SNX14: variants seen among roughly 807,000 people sequenced by gnomAD.
SNX14 encodes the protein sorting nexin 14, also known as sorting nexin-14.
SNX14 carries 93 observed loss-of-function variants against 133.8 expected under a neutral mutation model. The ratio of observed to expected loss-of-function variants is 0.70; its 90% confidence interval spans 0.59 to 0.83. SNX14 has a LOEUF of 0.83. SNX14 is among the 40% of genes least tolerant of loss of function. The pLI, the probability that SNX14 is intolerant of heterozygous loss-of-function variation, is 0.00. For synonymous variants in SNX14, 368 were observed against 365.6 expected, an observed-to-expected ratio of 1.01 and a Z score of -0.07; for missense variants, 945 against 1,094.9, an observed-to-expected ratio of 0.86 and a Z score of 1.93.
chr6:85,534,559 T>A (rs1365142189), intron 17 of SNX14, among the ~76,000 whole-genome samples: 1 of 152,206 alleles, frequency 6.6e-6, no homozygotes, highest in African/African-American at 2.4e-5. Flanking sequence ...CTATCTTTAA[T>A]CCCAATCAAG....
intron 13 of SNX14, 44 bp downstream of exon 13, chr6:85,543,561 C>T (rs1177725179): frequency 1.4e-6 from 2 of 1,475,556 alleles, no homozygotes; most frequent in East Asian, 2.5e-5. Flanking sequence ...AATGGAAAAA[C>T]TGTAAGAGTG....
At chr6:85,514,888 A>AG (rs1348364774) in intron 23 of SNX14, among the ~76,000 whole-genome samples, 1 of 152,218 alleles carries the variant, frequency 6.6e-6, no homozygotes, top group East Asian at 1.9e-4. Context: ...TATCCATTAA[A>AG]GACCCCTTTG....
intron 18 of SNX14, among the ~76,000 whole-genome samples, chr6:85,531,889 G>A (rs770683619): frequency 2.1e-4 from 32 of 152,032 alleles, no homozygotes; most frequent in Admixed American, 2.0e-4. Flanking sequence ...TTAGCTGGGC[G>A]TGGTGACATG....
chr6:85,521,346 C>T (rs983601212), intron 21 of SNX14, among the ~76,000 whole-genome samples: 1 of 152,042 alleles, frequency 6.6e-6, no homozygotes, highest in Admixed American at 6.6e-5. Context: ...GTGATCCTCC[C>T]GCCTCAGCTT....
At chr6:85,587,832 A>C (rs1031044060) in intron 1 of SNX14, among the ~76,000 whole-genome samples, 1 of 152,254 alleles carries the variant, frequency 6.6e-6, no homozygotes, top group Non-Finnish European at 1.5e-5. Flanking sequence ...TGAATAGAGC[A>C]ATTATCATTA....
chr6:85,564,956 T>C (rs2128165494), intron 6 of SNX14, among the ~76,000 whole-genome samples: 1 of 150,652 alleles, frequency 6.6e-6, no homozygotes, highest in African/African-American at 2.5e-5. Context: ...GCCACTGTAC[T>C]CCAGCCTGGG....
At chr6:85,544,003 TA>T (rs1562284717) in intron 12 of SNX14, among the ~76,000 whole-genome samples, 1 of 152,112 alleles carries the variant, frequency 6.6e-6, no homozygotes, top group Non-Finnish European at 1.5e-5. Context: ...CAAATTTTGC[TA>T]AAATTCAAAA....
chr6:85,583,340 A>G (rs897430540), intron 1 of SNX14, among the ~76,000 whole-genome samples: 1 of 152,220 alleles, frequency 6.6e-6, no homozygotes, highest in Non-Finnish European at 1.5e-5. Flanking sequence ...GAAAACTGAC[A>G]CAACACAAGG....
At chr6:85,528,140 T>G in intron 20 of SNX14, 122 bp downstream of exon 20, 1 of 571,212 alleles carries the variant, frequency 1.8e-6, no homozygotes. Flanking sequence ...AAATATTTTC[T>G]AAATTAAAAT....
chr6:85,573,060 G>A (rs182980322), intron 2 of SNX14, among the ~76,000 whole-genome samples: 58 of 152,302 alleles, frequency 3.8e-4, no homozygotes, highest in Non-Finnish European at 7.5e-4. Flanking sequence ...ACAAAGGTAC[G>A]AGGTAACTAT....
At chr6:85,577,722 CAAGT>C (rs1360914417) in intron 1 of SNX14, among the ~76,000 whole-genome samples, 1 of 151,556 alleles carries the variant, frequency 6.6e-6, no homozygotes, top group Non-Finnish European at 1.5e-5. Context: ...ATAAAGGAAT[CAAGT>C]AATTAGAAGA....
At chr6:85,579,838 C>T (rs1218256714) in intron 1 of SNX14, among the ~76,000 whole-genome samples, 1 of 152,222 alleles carries the variant, frequency 6.6e-6, no homozygotes, top group Non-Finnish European at 1.5e-5. Context: ...GTCTAGGCCA[C>T]AAGGACTGTA....
intron 2 of SNX14, among the ~76,000 whole-genome samples, chr6:85,572,908 G>A (rs191587634): frequency 1.6e-4 from 25 of 152,266 alleles, no homozygotes; most frequent in African/African-American, 4.6e-4. Context: ...GCAGTAAGCC[G>A]TGATCCTGCC....
At chr6:85,528,458 A>T in intron 19 of SNX14, 96 bp from the exon 20 acceptor site, 1 of 855,932 alleles carries the variant, frequency 1.2e-6, no homozygotes, top group Non-Finnish European at 1.8e-6. Flanking sequence ...CATTCAGATT[A>T]GCAATACTGC....
chr6:85,518,969 T>C (rs1775944012), intron 21 of SNX14, among the ~76,000 whole-genome samples: 1 of 152,238 alleles, frequency 6.6e-6, no homozygotes, highest in African/African-American at 2.4e-5. Flanking sequence ...TCCTGCTTTA[T>C]AAAACTTCAA....
At chr6:85,574,126 A>AG in intron 2 of SNX14, 132 bp downstream of exon 2, 1 of 691,082 alleles carries the variant, frequency 1.4e-6, no homozygotes. Context: ...AAACAAAAAA[A>AG]AAAAAGAGAA....
At chr6:85,592,939 GGGA>G (rs1359551113) in intron 1 of SNX14, among the ~76,000 whole-genome samples, 1 of 152,162 alleles carries the variant, frequency 6.6e-6, no homozygotes, top group Non-Finnish European at 1.5e-5. Context: ...GCGTGAACCC[GGGA>G]GGAGGAGCTT....
chr6:85,524,715 T>G, intron 21 of SNX14, among the ~76,000 whole-genome samples: 1 of 144,210 alleles, frequency 6.9e-6, no homozygotes, highest in African/African-American at 2.6e-5. Context: ...ACCTGGGAGG[T>G]GGAGGCTGCA....
At position 85,547,218 on chromosome 6, in the gene SNX14, C is replaced by T. The variant is rs770003656; in HGVS notation, c.1002G>A (p.Lys334=). The T allele has an allele frequency of 1.2e-6, 2 of 1,613,822 alleles. No individual in the cohort carries two copies. Among genetic ancestry groups the T allele is most frequent in the Admixed American group, 3.3e-5 (2 of 59,960 alleles). Residue 334 remains lysine, a synonymous_variant, in exon 12 of 29, where the codon AAG becomes AAA. Coordinates refer to ENST00000314673, the MANE Select transcript of SNX14 (RefSeq NM_153816.6). The part of the protein sequence containing the change: ...EPRNKKPSVL[K]LELKQIREQQ... ...GCTCTCTGATTTGCTTCAATTCTAA[C>T]TTCAGCACCTTGATATAAGAGAAAG...
Sources: gnomAD v4.1 joint callset for allele counts (sites outside exome capture counted in the v4.1 genomes callset) on GRCh38, gnomAD v4.1.1 for gene constraint, MANE v1.5 for transcripts, NCBI Gene and HGNC (gene_info 2026-07-23, HGNC 2026-07-21) for gene names.